The following ADGRV1 variants were observed in gnomAD, a reference collection of about 807,000 sequenced individuals.
ADGRV1 encodes the protein adhesion G protein-coupled receptor V1.
ADGRV1 carries 359 observed loss-of-function variants against 596.2 expected under a neutral mutation model. That is an observed-to-expected ratio of 0.60 (90% CI 0.55 to 0.66). The LOEUF (loss-of-function observed/expected upper bound fraction) is 0.66, where lower values mean the gene tolerates loss of function less well. ADGRV1 is among the 30% of genes least tolerant of loss of function. The pLI is 0.00. For missense variants in ADGRV1, 7,274 were observed against 7,575.6 expected (o/e 0.96, Z 1.48); for synonymous variants, 2,681 against 2,679.2 (o/e 1.00, Z -0.02).
At chr5:90,897,651 T>C (rs13155267) in intron 83 of ADGRV1, among the ~76,000 whole-genome samples, 36,362 of 152,146 alleles carry the variant, frequency 0.24, 5,538 homozygotes, top group East Asian at 0.5. Flanking sequence ...CATTCAGGAC[T>C]AAATCAACTC....
chr5:91,027,595 A>T (rs988232566), intron 85 of ADGRV1, among the ~76,000 whole-genome samples: 2 of 152,174 alleles, frequency 1.3e-5, no homozygotes, highest in African/African-American at 4.8e-5. Flanking sequence ...ACTGGAATGA[A>T]CTGACAATTT....
intron 48 of ADGRV1, 74 bp from the exon 49 acceptor site, chr5:90,728,595 A>G (rs1752107931): frequency 1.7e-6 from 2 of 1,173,898 alleles, no homozygotes; most frequent in African/African-American, 3.1e-5. Flanking sequence ...GAGTAAACAT[A>G]TGGTATTGAT....
At chr5:90,805,504 G>A (rs557748720) in intron 72 of ADGRV1, 46 bp downstream of exon 72, 2 of 1,427,316 alleles carry the variant, frequency 1.4e-6, no homozygotes, top group African/African-American at 1.4e-5. Flanking sequence ...ATATTGGAAG[G>A]ATATCACTGG....
At chr5:90,751,908 G>A (rs1355449469) in intron 53 of ADGRV1, among the ~76,000 whole-genome samples, 2 of 152,100 alleles carry the variant, frequency 1.3e-5, no homozygotes, top group African/African-American at 2.4e-5. Context: ...GTTCTGATTT[G>A]TGTTTCTCCA....
intron 85 of ADGRV1, among the ~76,000 whole-genome samples, chr5:91,066,392 G>T (rs1395743400): frequency 6.6e-6 from 1 of 152,126 alleles, no homozygotes; most frequent in African/African-American, 2.4e-5. Context: ...GGAAATTCTG[G>T]TTGGCGAGGC....
rs555716909 is a variant in ADGRV1, at chr5:90,789,261, C to T, written c.13894-441C>T. ...ACCTTCACAGTGACATCTAGATGAG[C>T]GTTTGACCAAACAACTGGGCACTAT... On this transcript the variant is annotated intron_variant, in intron 68 of 89. Coordinates refer to ENST00000405460, the MANE Select transcript of ADGRV1 (RefSeq NM_032119.4). 1.3e-4 allele frequency among the ~76,000 whole-genome samples: 20 copies of T among 152,190 alleles called. No individual in the cohort carries two copies. The South Asian group carries it at 1.7e-3, about 13-fold the overall frequency.
chr5:91,072,721 C>T lies in ADGRV1; in HGVS notation c.18310+117C>T, dbSNP rs1788498328. ...TTCGGCTCATCTTTCAGCTCTGAAG[C>T]CACAAGTTAAGCTATAGCTCTCCAG... On this transcript the variant is annotated intron_variant, in intron 86 of 89. Coordinates refer to ENST00000405460, the MANE Select transcript of ADGRV1 (RefSeq NM_032119.4). 4 of 1,021,852 alleles carry T rather than the reference C, an allele frequency of 3.9e-6. No homozygotes were observed. In the Admixed American group the frequency reaches 8.4e-5, roughly 21 times the overall value. The allele number at this position is 1,021,852 out of a possible 1,614,324, so 63.3% of individuals were successfully genotyped here. A position where few individuals can be genotyped will look rare whatever the true frequency, so the allele number is the denominator to read the frequency against.
intron 29 of ADGRV1, among the ~76,000 whole-genome samples, chr5:90,688,999 A>T (rs548345061): frequency 6.6e-6 from 1 of 152,204 alleles, no homozygotes; most frequent in Non-Finnish European, 1.5e-5. Context: ...AAGACTGCCT[A>T]CTTTGATAGT....
chr5:90,595,108 G>A (rs1197515816), intron 1 of ADGRV1, among the ~76,000 whole-genome samples: 2,571 of 104,684 alleles, frequency 0.025, 73 homozygotes, highest in African/African-American at 0.083. Context: ...CTGGCCGGGC[G>A]GGGGGCTGAC....
At chr5:90,781,708 T>G (rs1758874916) in intron 65 of ADGRV1, 130 bp downstream of exon 65, 1 of 749,032 alleles carries the variant, frequency 1.3e-6, no homozygotes, top group Non-Finnish European at 2.1e-6. Flanking sequence ...ATATACACTT[T>G]TATATTTATT....
chr5:90,716,782 A>T, intron 43 of ADGRV1, 53 bp downstream of exon 43: 1 of 1,431,896 alleles, frequency 7.0e-7, no homozygotes, highest in Non-Finnish European at 9.6e-7. Flanking sequence ...TATTTACAAA[A>T]TAAATTTCTC....
intron 83 of ADGRV1, among the ~76,000 whole-genome samples, chr5:90,959,976 A>G (rs1249843638): frequency 6.6e-6 from 1 of 151,354 alleles, no homozygotes; most frequent in African/African-American, 2.4e-5. Context: ...CGTCTCTACT[A>G]AAAATACAAA....
At chr5:90,764,476 G>C (rs1446334564) in intron 59 of ADGRV1, among the ~76,000 whole-genome samples, 1 of 152,184 alleles carries the variant, frequency 6.6e-6, no homozygotes, top group Admixed American at 6.5e-5. Flanking sequence ...GTACCAGTGG[G>C]AAGAACCACA....
intron 52 of ADGRV1, among the ~76,000 whole-genome samples, chr5:90,746,739 A>G (rs995906087): frequency 6.6e-6 from 1 of 152,190 alleles, no homozygotes; most frequent in African/African-American, 2.4e-5. Context: ...AAAGTAAAGA[A>G]GACATTTCCC....
intron 68 of ADGRV1, 103 bp downstream of exon 68, chr5:90,788,413 A>T: frequency 8.8e-7 from 1 of 1,134,516 alleles, no homozygotes; most frequent in East Asian, 2.6e-5. Flanking sequence ...TAAATTGGAA[A>T]TTATAAAACC....
intron 75 of ADGRV1, among the ~76,000 whole-genome samples, chr5:90,822,603 G>A (rs1763674450): frequency 6.6e-6 from 1 of 152,156 alleles, no homozygotes. Flanking sequence ...GACTGACTCG[G>A]CGATGCGGGC....
intron 85 of ADGRV1, among the ~76,000 whole-genome samples, chr5:91,021,631 CT>C (rs577254999): frequency 2.1e-4 from 32 of 152,158 alleles, no homozygotes; most frequent in African/African-American, 7.7e-4. Flanking sequence ...TCATGTGAAT[CT>C]TTACCAAGGA....
chr5:90,827,788 A>C (rs535456502), intron 76 of ADGRV1, among the ~76,000 whole-genome samples: 5 of 152,354 alleles, frequency 3.3e-5, no homozygotes, highest in African/African-American at 1.2e-4. Context: ...TTCTTCAGAA[A>C]ACAAAAGGAG....
intron 75 of ADGRV1, among the ~76,000 whole-genome samples, chr5:90,819,155 T>C (rs962703436): frequency 1.3e-5 from 2 of 152,218 alleles, no homozygotes; most frequent in African/African-American, 4.8e-5. Flanking sequence ...AGAGTGTATG[T>C]GTCAAGGAAT....
Sources: allele counts gnomAD v4.1 joint callset (sites outside exome capture counted in the v4.1 genomes callset), GRCh38; gene constraint gnomAD v4.1.1; transcripts MANE v1.5; gene names NCBI Gene and HGNC (gene_info 2026-07-23, HGNC 2026-07-21).